PCLO: variants seen among roughly 807,000 people sequenced by gnomAD.
PCLO encodes the protein piccolo presynaptic cytomatrix protein.
A neutral mutation model predicts 427.5 loss-of-function variants in PCLO; 82 were observed. The observed-to-expected ratio is 0.19, with a 90% confidence interval of 0.16 to 0.23. PCLO has a LOEUF of 0.23. Ranked by LOEUF, PCLO falls within the 10% of genes least tolerant of loss-of-function variation. The pLI is 1.00. For missense variants in PCLO, 6,239 were observed against 6,115.9 expected, an observed-to-expected ratio of 1.02 and a Z score of -0.67; for synonymous variants, 2,357 against 2,155.4, an observed-to-expected ratio of 1.09 and a Z score of -2.59.
intron 3 of PCLO, among the ~76,000 whole-genome samples, chr7:83,096,196 T>C (rs916157949): frequency 6.6e-6 from 1 of 152,102 alleles, no homozygotes; most frequent in African/African-American, 2.4e-5. Flanking sequence ...ACTACTGCTT[T>C]TGAAACATTT....
intron 3 of PCLO, among the ~76,000 whole-genome samples, chr7:82,998,092 G>A (rs1454415565): frequency 6.6e-6 from 1 of 152,000 alleles, no homozygotes; most frequent in Non-Finnish European, 1.5e-5. Context: ...ACTTACCAGT[G>A]CAGAAACTCA....
chr7:82,867,109 A>AG (rs1323337582), intron 10 of PCLO, among the ~76,000 whole-genome samples: 2 of 152,196 alleles, frequency 1.3e-5, no homozygotes, highest in African/African-American at 4.8e-5. Context: ...TTTTAAAAAA[A>AG]GAGTTTTGGT....
chr7:82,869,832 T>TAAA (rs1793186445), intron 10 of PCLO, among the ~76,000 whole-genome samples: 2 of 151,788 alleles, frequency 1.3e-5, no homozygotes, highest in Non-Finnish European at 2.9e-5. Flanking sequence ...AAGAATAAAT[T>TAAA]TAACTAAATA....
chr7:83,161,908 A>G (rs1217922033), intron 1 of PCLO, among the ~76,000 whole-genome samples: 2 of 152,244 alleles, frequency 1.3e-5, no homozygotes, highest in East Asian at 3.8e-4. Context: ...AGTTACAGAA[A>G]TATTTAGACA....
At chr7:82,865,302 A>G (rs183532304) in intron 10 of PCLO, among the ~76,000 whole-genome samples, 43 of 152,258 alleles carry the variant, frequency 2.8e-4, no homozygotes, top group African/African-American at 7.5e-4. Flanking sequence ...AGCCTGACCA[A>G]CATGGTGAAA....
chr7:83,070,447 G>A (rs890327806), intron 3 of PCLO, among the ~76,000 whole-genome samples: 6 of 151,164 alleles, frequency 4.0e-5, no homozygotes, highest in Middle Eastern at 3.4e-3. Context: ...GAGTGCAGTG[G>A]CGTGATCTCA....
intron 3 of PCLO, among the ~76,000 whole-genome samples, chr7:83,047,958 A>G (rs908989886): frequency 6.6e-6 from 1 of 151,966 alleles, no homozygotes; most frequent in Admixed American, 6.6e-5. Flanking sequence ...CAGAAATGCA[A>G]GCAACAGGTA....
In PCLO at chr7:82,786,784, C is replaced by T. The variant is rs185327513; in HGVS notation, c.15007+14734G>A. On this transcript the variant is annotated intron_variant, in intron 22 of 24. Coordinates refer to ENST00000333891, the MANE Select transcript of PCLO (RefSeq NM_033026.6). ...GGCCCTGGTGTGTGATGTTCTCCAC[C>T]CTGTGTACATGTGTTCTCATTGTTC... Among the ~76,000 whole-genome samples the T allele has an allele frequency of 1.6e-3, 239 of 152,154 alleles. 7 individuals carry two copies. The highest frequency in any genetic ancestry group is 0.016 in the Admixed American group (237 of 15,284).
intron 22 of PCLO, among the ~76,000 whole-genome samples, chr7:82,790,148 T>G (rs1042714956): frequency 6.6e-6 from 1 of 152,126 alleles, no homozygotes; most frequent in Admixed American, 6.6e-5. Flanking sequence ...ATCTATTGAA[T>G]TGCCTCCAAA....
intron 3 of PCLO, among the ~76,000 whole-genome samples, chr7:83,068,477 G>A (rs191609762): frequency 5.1e-4 from 78 of 152,188 alleles, no homozygotes; most frequent in Non-Finnish European, 8.4e-4. Context: ...AAGGACCTGA[G>A]TAGATATTCT....
At position 82,756,061 on chromosome 7, in the gene PCLO, C is replaced by T. The variant is rs907440315; in HGVS notation, c.*2514G>A. ...GTTAAATAGCTACCAAAGAGATAATCTTTGTTTTGGTGATCCCTCCATTTA... is the reference window on the plus strand; with the variant it reads ...GTTAAATAGCTACCAAAGAGATAATTTTTGTTTTGGTGATCCCTCCATTTA... On this transcript the variant is annotated 3_prime_UTR_variant, in exon 25 of 25. Transcript: ENST00000333891. 2.0e-5 allele frequency: 3 copies of T among 152,094 alleles called. No homozygotes were observed. Among genetic ancestry groups the T allele is most frequent in the African/African-American group, 7.2e-5 (3 of 41,420 alleles). The allele number at this position is 152,094 out of a possible 1,614,324, so 9.4% of individuals were successfully genotyped here.
chr7:82,937,206 C>T (rs1562868250), intron 6 of PCLO, among the ~76,000 whole-genome samples: 1 of 151,532 alleles, frequency 6.6e-6, no homozygotes, highest in Non-Finnish European at 1.5e-5. Flanking sequence ...CATTACTGTC[C>T]AAATTTTGAG....
rs781650638 is a variant in PCLO, at chr7:83,156,296, A to C, written c.345T>G (p.Thr115=). The stretch of plus-strand genomic sequence containing the variant: ...TCTGCTCTGACCTGAAAGTGTCTGT[A>C]GTTCTACTTTTACTGAGACCAGGTT... The part of the protein sequence containing the change: ...PAQPGLSKSR[T]TDTFRSEQKL... The change falls in exon 2 of 25, where the codon ACT becomes ACG. Residue 115 remains threonine, a synonymous_variant. Coordinates refer to ENST00000333891, the MANE Select transcript of PCLO (RefSeq NM_033026.6). 2 of 1,613,268 alleles carry C rather than the reference A, an allele frequency of 1.2e-6. No individual in the cohort carries two copies. The highest frequency in any genetic ancestry group is 4.5e-5 in the East Asian group (2 of 44,802).
At chr7:83,102,521 T>C (rs1192061466) in intron 3 of PCLO, among the ~76,000 whole-genome samples, 5 of 151,976 alleles carry the variant, frequency 3.3e-5, no homozygotes, top group African/African-American at 1.2e-4. Context: ...CTTCGGAATT[T>C]GAAAGTTCTG....
chr7:83,022,697 C>G (rs1319331012), intron 3 of PCLO, among the ~76,000 whole-genome samples: 4 of 152,098 alleles, frequency 2.6e-5, no homozygotes, highest in Non-Finnish European at 4.4e-5. Context: ...ACAGTAGAAA[C>G]TATTTTAGCT....
At chr7:82,835,997 G>A (rs544040345) in intron 15 of PCLO, among the ~76,000 whole-genome samples, 1 of 152,096 alleles carries the variant, frequency 6.6e-6, no homozygotes, top group Non-Finnish European at 1.5e-5. Context: ...ACCAAGTAGG[G>A]ACGTTTTATT....
At chr7:82,878,368 C>G (rs927282847) in intron 10 of PCLO, among the ~76,000 whole-genome samples, 1 of 151,994 alleles carries the variant, frequency 6.6e-6, no homozygotes, top group Admixed American at 6.6e-5. Flanking sequence ...TTTTAAGCAA[C>G]AGCAGACAAA....
At position 82,907,203 on chromosome 7, in the gene PCLO, C is replaced by G. The variant is rs181879832; in HGVS notation, c.13437+1674G>C. On this transcript the variant is annotated intron_variant, in intron 8 of 24. Transcript: ENST00000333891. ...AGACTATTCTCAGTGCCCGTGGAAA[C>G]AGTAGTGTTGATAATAAATATTCCT... 5.1e-3 allele frequency among the ~76,000 whole-genome samples: 781 copies of G among 152,050 alleles called. 7 individuals are homozygous for G. Among genetic ancestry groups the G allele is most frequent in the African/African-American group, 0.018 (744 of 41,526 alleles).
chr7:83,106,257 G>A (rs1790852684), intron 3 of PCLO, among the ~76,000 whole-genome samples: 1 of 152,204 alleles, frequency 6.6e-6, no homozygotes, highest in Admixed American at 6.5e-5. Context: ...AGGAGAAGGA[G>A]CAGCTGCCCT....
Sources: allele counts gnomAD v4.1 joint callset (sites outside exome capture counted in the v4.1 genomes callset), GRCh38; gene constraint gnomAD v4.1.1; transcripts MANE v1.5; gene names NCBI Gene and HGNC (gene_info 2026-07-23, HGNC 2026-07-21).